The following SEPTIN2 variants were observed in gnomAD, a reference collection of about 807,000 sequenced individuals.
The protein encoded by SEPTIN2 is septin 2.
SEPTIN2 carries 34 observed loss-of-function variants against 46.5 expected under a neutral mutation model. The ratio of observed to expected loss-of-function variants is 0.73; its 90% CI spans 0.56 to 0.97. The LOEUF is 0.97. SEPTIN2 is among the 50% of genes least tolerant of loss of function. The pLI is 0.00. For synonymous variants in SEPTIN2, 175 were observed against 153.4 expected (o/e 1.14, Z -1.04); for missense variants, 347 against 448.4 (o/e 0.77, Z 2.04).
chr2:241,331,292 C>G (rs1480718639), intron 3 of SEPTIN2, among the ~76,000 whole-genome samples: 1 of 152,180 alleles, frequency 6.6e-6, no homozygotes, highest in South Asian at 2.1e-4. Context: ...ACGTGCAAGA[C>G]CTATACACTG....
intron 7 of SEPTIN2, among the ~76,000 whole-genome samples, chr2:241,338,689 AATAT>A (rs1422487980): frequency 1.7e-5 from 2 of 119,396 alleles, no homozygotes; most frequent in Non-Finnish European, 1.6e-5. Context: ...TTACATATGT[AATAT>A]ATATTATATT....
At chr2:241,351,611 TGA>T (rs1322735656) in intron 12 of SEPTIN2, 1 of 152,106 alleles carries the variant, frequency 6.6e-6, no homozygotes, top group Non-Finnish European at 1.5e-5. Context: ...ACTGGGGAAG[TGA>T]GGGTACAGTG....
chr2:241,346,148 A>C lies in SEPTIN2; in HGVS notation c.843-18A>C, dbSNP rs575414582. On this transcript the variant is annotated intron_variant, in intron 9 of 12. Transcript: ENST00000391971. ...CATGTGCATGATGCCACCTTGGTGC[A>C]TTCCTCTTCTCTTTCAGCACCCACA... 1.6e-5 allele frequency: 25 copies of C among 1,603,902 alleles called. No individual in the cohort carries two copies. The Admixed American group carries it at 4.2e-4, about 27-fold the overall frequency.
chr2:241,318,564 T>C lies in SEPTIN2; in HGVS notation c.-18+2582T>C, dbSNP rs1009186398. Among the ~76,000 whole-genome samples the C allele has an allele frequency of 2.0e-5, 3 of 152,326 alleles. No individual in the cohort carries two copies. In the East Asian group the frequency reaches 5.8e-4, roughly 29 times the overall value. Reference sequence around the variant, plus strand: ...CCCTACTTGTTTGGATTTTTAAAAATTCTGTTGTAAATGATGTGCCCCCAT... The same window carrying C: ...CCCTACTTGTTTGGATTTTTAAAAACTCTGTTGTAAATGATGTGCCCCCAT... On this transcript the variant is annotated intron_variant, in intron 1 of 12. Transcript: ENST00000391971.
At chr2:241,316,458 C>A in intron 1 of SEPTIN2, 1 of 1,474,976 alleles carries the variant, frequency 6.8e-7, no homozygotes, top group African/African-American at 1.4e-5. Flanking sequence ...CCTCCAAGCC[C>A]ATCGGCTGGA....
At chr2:241,340,474 A>T (rs2081104672) in intron 7 of SEPTIN2, among the ~76,000 whole-genome samples, 1 of 152,128 alleles carries the variant, frequency 6.6e-6, no homozygotes, top group Non-Finnish European at 1.5e-5. Flanking sequence ...CTTTTCCTAA[A>T]TTGTCTCAAG....
At chr2:241,342,213 CTG>C (rs1242517120) in intron 7 of SEPTIN2, among the ~76,000 whole-genome samples, 3 of 152,178 alleles carry the variant, frequency 2.0e-5, no homozygotes, top group African/African-American at 7.2e-5. Flanking sequence ...TGTGTCCTCT[CTG>C]TGCCTTTGAC....
intron 2 of SEPTIN2, 126 bp from the exon 3 acceptor site, chr2:241,325,867 G>T (rs2149902645): frequency 5.2e-6 from 4 of 775,668 alleles, no homozygotes; most frequent in Non-Finnish European, 5.8e-6. Context: ...CCTTCTGGAA[G>T]TGTTTATACT....
intron 9 of SEPTIN2, 71 bp downstream of exon 9, chr2:241,343,968 C>T (rs1287570870): frequency 6.4e-7 from 1 of 1,562,562 alleles, no homozygotes; most frequent in African/African-American, 1.4e-5. Context: ...GGGGTGTACA[C>T]TTGGCCCCCA....
Position 241,352,361 on chromosome 2 carries a change from C to T in SEPTIN2, c.*424C>T, listed in dbSNP as rs1425897655. The T allele has an allele frequency of 1.3e-5, 2 of 152,554 alleles. No individual in the cohort carries two copies. The highest frequency in any genetic ancestry group is 2.9e-5 in the Non-Finnish European group (2 of 68,036). The allele number at this position is 152,554 out of a possible 1,614,324, so 9.5% of individuals were successfully genotyped here. On this transcript the variant is annotated 3_prime_UTR_variant, in exon 13 of 13. Coordinates refer to ENST00000391971, the MANE Select transcript of SEPTIN2 (RefSeq NM_004404.5). ...GTTCCTTAGTGGTAGAGGTGTGTGC[C>T]TAGTGATGTAGAAAGATACACTGAC...
intron 1 of SEPTIN2, chr2:241,316,269 C>G: frequency 2.5e-6 from 1 of 406,182 alleles, no homozygotes. Context: ...GGGAATTCCT[C>G]TGCACTGTCG....
At chr2:241,337,562 G>A (rs777299600) in intron 6 of SEPTIN2, 46 bp downstream of exon 6, 3 of 1,603,196 alleles carry the variant, frequency 1.9e-6, no homozygotes, top group Non-Finnish European at 2.6e-6. Context: ...ACATGGGTTT[G>A]TAAGTTTTAC....
intron 5 of SEPTIN2, chr2:241,336,685 G>T: frequency 5.8e-6 from 1 of 171,572 alleles, no homozygotes. Flanking sequence ...TGAAAGTGCT[G>T]TACTGTTTCC....
At chr2:241,346,097 G>T in intron 9 of SEPTIN2, 69 bp from the exon 10 acceptor site, 1 of 1,050,100 alleles carries the variant, frequency 9.5e-7, no homozygotes, top group Non-Finnish European at 1.5e-6. Context: ...GTACTTGATG[G>T]GTGGTTTTTT....
chr2:241,318,448 G>C (rs1348835274), intron 1 of SEPTIN2: 1 of 152,176 alleles, frequency 6.6e-6, no homozygotes. Context: ...CACACCGTTA[G>C]GGATTCCAGT....
chr2:241,345,853 A>C (rs1288814625), intron 9 of SEPTIN2, among the ~76,000 whole-genome samples: 1 of 152,196 alleles, frequency 6.6e-6, no homozygotes, highest in Non-Finnish European at 1.5e-5. Flanking sequence ...AAAATCTCTT[A>C]AAATCTGTCT....
chr2:241,337,813 CCTCCCTCTGGGTGCGA>C (rs2080285823), intron 7 of SEPTIN2, 23 bp downstream of exon 7: 1 of 1,554,640 alleles, frequency 6.4e-7, no homozygotes, highest in African/African-American at 1.4e-5. Flanking sequence ...GGCGTCCTGC[CCTCCCTCTGGGTGCGA>C]CTCGGGGGCA....
At chr2:241,346,438 A>G (rs957380163) in intron 10 of SEPTIN2, 189 bp downstream of exon 10, 67 of 420,698 alleles carry the variant, frequency 1.6e-4, no homozygotes, top group Non-Finnish European at 1.7e-4. Flanking sequence ...GAAAAAGTAC[A>G]TTTAATGATA....
chr2:241,323,540 G>C (rs2077462874), intron 1 of SEPTIN2, among the ~76,000 whole-genome samples: 1 of 152,224 alleles, frequency 6.6e-6, no homozygotes. Context: ...TTACAGGCGT[G>C]AGCATCACGT....
Sources: allele counts gnomAD v4.1 joint callset (sites outside exome capture counted in the v4.1 genomes callset), GRCh38; gene constraint gnomAD v4.1.1; transcripts MANE v1.5; gene names NCBI Gene and HGNC (gene_info 2026-07-23, HGNC 2026-07-21).